The following WDR64 variants were observed in gnomAD, a reference collection of about 807,000 sequenced individuals.
WDR64 encodes the protein WD repeat-containing protein 64.
WDR64 carries 112 observed loss-of-function variants against 139.3 expected under a neutral mutation model. The observed-to-expected ratio is 0.80, with a 90% CI of 0.69 to 0.94. The LOEUF (loss-of-function observed/expected upper bound fraction) is 0.94. WDR64 is among the 40% of genes least tolerant of loss of function. The pLI, the probability that WDR64 is intolerant of heterozygous loss-of-function variation, is 0.00. For synonymous variants in WDR64, 444 were observed against 437.7 expected (o/e 1.01, Z -0.18); for missense variants, 1,206 against 1,293.1 (o/e 0.93, Z 1.03).
chr1:241,769,499 G>C lies in WDR64; in HGVS notation c.2177G>C (p.Cys726Ser), dbSNP rs1252551849. ...CTGTTCCTCTTTCGTACCCCTGAAT[G>C]TGCAAGGTAACTCGTTACTTACTGA... ...DILFLFRTPE[C>S]ARRSSQDSIC... Residue 726 changes from cysteine (C) to serine (S), a missense_variant, in exon 17 of 28, where the codon TGT becomes TCT. Coordinates refer to ENST00000437684, the MANE Select transcript of WDR64 (RefSeq NM_001367482.1). 6.4e-7 allele frequency: 1 copy of C among 1,551,082 alleles called. No individual in the cohort carries two copies. Among genetic ancestry groups the C allele is most frequent in the South Asian group, 1.2e-5 (1 of 84,048 alleles).
At chr1:241,663,771 A>G (rs542374138) in intron 2 of WDR64, among the ~76,000 whole-genome samples, 205 of 152,376 alleles carry the variant, frequency 1.3e-3, no homozygotes, top group Non-Finnish European at 2.5e-3. Context: ...TGATGTTCAC[A>G]TGTGGCTAGG....
At chr1:241,718,788 G>A (rs1161970137) in intron 9 of WDR64, among the ~76,000 whole-genome samples, 1 of 152,106 alleles carries the variant, frequency 6.6e-6, no homozygotes, top group Non-Finnish European at 1.5e-5. Context: ...TCTCTTCCTG[G>A]CTTGTAGACA....
At chr1:241,679,699 T>C (rs1483905252) in intron 6 of WDR64, 104 bp downstream of exon 6, 30 of 936,462 alleles carry the variant, frequency 3.2e-5, no homozygotes, top group Non-Finnish European at 4.3e-5. Flanking sequence ...TCTTCATCTA[T>C]AAAATGAGAG....
intron 17 of WDR64, 116 bp downstream of exon 17, chr1:241,769,621 T>C: frequency 1.1e-6 from 1 of 901,872 alleles, no homozygotes; most frequent in South Asian, 1.7e-5. Context: ...AAGAGTTTAC[T>C]TCATCCCAGC....
intron 3 of WDR64, among the ~76,000 whole-genome samples, chr1:241,674,321 C>T (rs1337082408): frequency 7.7e-6 from 1 of 130,552 alleles, no homozygotes; most frequent in Non-Finnish European, 1.5e-5. Flanking sequence ...TGCAGTGGTG[C>T]AATCACAACT....
At chr1:241,674,992 T>A in intron 4 of WDR64, among the ~76,000 whole-genome samples, 1 of 41,696 alleles carries the variant, frequency 2.4e-5, no homozygotes, top group South Asian at 9.5e-4. Flanking sequence ...TTCCTCCCTT[T>A]CTCCCTCCCT....
chr1:241,784,655 C>G (rs1351628745), intron 23 of WDR64, among the ~76,000 whole-genome samples: 1 of 152,090 alleles, frequency 6.6e-6, no homozygotes, highest in Non-Finnish European at 1.5e-5. Context: ...GTTACTTCCT[C>G]TGTAAGAAAG....
rs1196209341 is a variant in WDR64 at position 241,772,683 on chromosome 1, G to A, written c.2291-109G>A. ...TCACCATGTTGGCCAGGCTGATCTG[G>A]AACTCCTGACCTCAAGTGATCCACC... is the stretch of plus-strand genomic sequence containing the variant. On this transcript the variant is annotated intron_variant, in intron 19 of 27. Coordinates refer to ENST00000437684, the MANE Select transcript of WDR64 (RefSeq NM_001367482.1). 2.4e-5 allele frequency: 27 copies of A among 1,146,612 alleles called. 1 individual carries two copies. The highest frequency in any genetic ancestry group is 5.4e-5 in the Admixed American group (2 of 36,704). 71.0% of individuals were successfully genotyped at this position (1,146,612 alleles called of 1,614,324 possible). A position where few individuals can be genotyped will look rare whatever the true frequency, so the allele number is the denominator to read the frequency against.
chr1:241,704,493 A>G (rs1477989849), intron 8 of WDR64, among the ~76,000 whole-genome samples: 2 of 152,202 alleles, frequency 1.3e-5, no homozygotes, highest in East Asian at 1.9e-4. Context: ...ACTGGAAAGC[A>G]GGCCATCTTT....
chr1:241,790,735 CAACA>C, intron 25 of WDR64, 39 bp downstream of exon 25: 1 of 1,395,106 alleles, frequency 7.2e-7, no homozygotes, highest in Non-Finnish European at 9.8e-7. Flanking sequence ...ATGGCAACAA[CAACA>C]AAACCTTTGC....
intron 26 of WDR64, among the ~76,000 whole-genome samples, chr1:241,795,781 C>A (rs2148333173): frequency 6.6e-6 from 1 of 152,248 alleles, no homozygotes; most frequent in South Asian, 2.1e-4. Context: ...CCCAGGTAAC[C>A]TTTGTTAGAC....
chr1:241,653,231 G>A (rs1665432111), intron 1 of WDR64, among the ~76,000 whole-genome samples: 1 of 152,186 alleles, frequency 6.6e-6, no homozygotes, highest in Non-Finnish European at 1.5e-5. Flanking sequence ...GAGGACAGCT[G>A]TGAAAAATAA....
chr1:241,665,224 C>G (rs1665986143), intron 2 of WDR64, among the ~76,000 whole-genome samples: 2 of 152,064 alleles, frequency 1.3e-5, no homozygotes, highest in African/African-American at 4.8e-5. Context: ...AAAAATGGGG[C>G]AGGAATGTTC....
intron 23 of WDR64, among the ~76,000 whole-genome samples, chr1:241,784,251 G>A (rs1658952786): frequency 1.3e-5 from 2 of 152,144 alleles, no homozygotes; most frequent in African/African-American, 4.8e-5. Flanking sequence ...GGAGTAATAT[G>A]ACCTGATTTA....
intron 15 of WDR64, among the ~76,000 whole-genome samples, chr1:241,763,420 CAAA>C (rs1417048904): frequency 6.6e-6 from 1 of 152,116 alleles, no homozygotes; most frequent in Non-Finnish European, 1.5e-5. Context: ...TGAAAGTTTG[CAAA>C]AGTCGGCCAG....
At chr1:241,672,559 A>G (rs566737371) in intron 3 of WDR64, among the ~76,000 whole-genome samples, 78 of 152,360 alleles carry the variant, frequency 5.1e-4, no homozygotes, top group Admixed American at 1.2e-3. Context: ...AAACAGACAC[A>G]AATCCCTGAC....
intron 8 of WDR64, among the ~76,000 whole-genome samples, chr1:241,705,269 G>A (rs147838089): frequency 1.3e-5 from 2 of 151,960 alleles, no homozygotes; most frequent in African/African-American, 4.8e-5. Context: ...TGGCCGGGCG[G>A]GGTGGCTCAC....
chr1:241,722,101 A>G (rs968800872), intron 9 of WDR64, among the ~76,000 whole-genome samples: 6 of 152,172 alleles, frequency 3.9e-5, no homozygotes, highest in East Asian at 3.8e-4. Flanking sequence ...CAAAATTCCA[A>G]TAGATCATGG....
intron 4 of WDR64, among the ~76,000 whole-genome samples, chr1:241,676,764 G>A (rs907412697): frequency 3.4e-5 from 2 of 59,358 alleles, no homozygotes; most frequent in Admixed American, 3.4e-4. Context: ...TTTTTTTTTT[G>A]TAGAAACAGG....
Sources: allele counts gnomAD v4.1 joint callset (sites outside exome capture counted in the v4.1 genomes callset), GRCh38; gene constraint gnomAD v4.1.1; transcripts MANE v1.5; gene names NCBI Gene and HGNC (gene_info 2026-07-23, HGNC 2026-07-21).